The following ELAPOR2 variants were observed in gnomAD, a reference collection of about 807,000 sequenced individuals.
ELAPOR2 encodes endosome-lysosome associated apoptosis and autophagy regulator family member 2, also known as endosome/lysosome-associated apoptosis and autophagy regulator family member 2.
Under a neutral mutation model 120.7 loss-of-function variants are expected in ELAPOR2, and 89 were observed. The ratio of observed to expected loss-of-function variants is 0.74; its 90% CI spans 0.62 to 0.88. The LOEUF is 0.88. ELAPOR2 is among the 40% of genes least tolerant of loss of function. ELAPOR2 has a pLI of 0.00. For missense variants in ELAPOR2, 1,134 were observed against 1,251.6 expected (o/e 0.91, Z 1.42); for synonymous variants, 444 against 444.9 (o/e 1.00, Z 0.03).
At chr7:87,051,961 A>G (rs748397286) in intron 1 of ELAPOR2, among the ~76,000 whole-genome samples, 2 of 152,240 alleles carry the variant, frequency 1.3e-5, no homozygotes, top group African/African-American at 2.4e-5. Context: ...TTCCTGACAT[A>G]TAAAAGATAA....
chr7:86,944,206 AG>A lies in ELAPOR2; in HGVS notation c.654+692del, dbSNP rs1349373407. The stretch of plus-strand genomic sequence containing the variant: ...AAGTCAATCTGAGAACATTTGCTCA[AG>A]CATTTGTGTCATGATAAATATTTGC... On this transcript the variant is annotated intron_variant, in intron 4 of 21. Coordinates refer to ENST00000450689, the MANE Select transcript of ELAPOR2 (RefSeq NM_001142749.3). Among the ~76,000 whole-genome samples the A allele has an allele frequency of 9.9e-5, 15 of 152,284 alleles. No homozygotes were observed. In the East Asian group the frequency reaches 2.9e-3, roughly 29 times the overall value.
At chr7:87,049,660 A>C (rs1388239288) in intron 1 of ELAPOR2, among the ~76,000 whole-genome samples, 1 of 152,222 alleles carries the variant, frequency 6.6e-6, no homozygotes, top group African/African-American at 2.4e-5. Context: ...GGACAAAGCC[A>C]AGTAAATACC....
rs769054101 is a variant in ELAPOR2, at chr7:86,897,642, T to A, written c.2559-10A>T. 2.5e-6 allele frequency: 4 copies of A among 1,612,476 alleles called. No individual in the cohort carries two copies. The African/African-American group carries it at 4.0e-5, about 16-fold the overall frequency. ...ACCTGCTGGGCACTTGCTAAAATCA[T>A]AAACAAAACCAAAAACACATAAGTG... On this transcript the variant is annotated splice_polypyrimidine_tract_variant and intron_variant, in intron 18 of 21. Transcript: ENST00000450689.
chr7:86,889,032 T>G (rs1003294694), intron 21 of ELAPOR2, among the ~76,000 whole-genome samples: 2 of 152,040 alleles, frequency 1.3e-5, no homozygotes, highest in Non-Finnish European at 2.9e-5. Flanking sequence ...TTCAACTGTT[T>G]AGGAAAATAC....
At chr7:86,936,560 AC>A (rs1790567413) in intron 8 of ELAPOR2, among the ~76,000 whole-genome samples, 1 of 152,132 alleles carries the variant, frequency 6.6e-6, no homozygotes, top group Admixed American at 6.6e-5. Context: ...TCTTAAAAAA[AC>A]ACTGAGTTTA....
Position 86,918,437 on chromosome 7 carries a change from C to T in ELAPOR2, c.1593+5G>A. 6.3e-7 allele frequency: 1 copy of T among 1,596,832 alleles called. No individual in the cohort carries two copies. Among genetic ancestry groups the T allele is most frequent in the Non-Finnish European group, 8.6e-7 (1 of 1,166,114 alleles). On this transcript the variant is annotated splice_donor_5th_base_variant and intron_variant, in intron 12 of 21. Transcript: ENST00000450689. ...TCTGCCTTTGAAAGCCGCCCGTCCA[C>T]TTACCACCATGAAGTACAAAACACA...
intron 21 of ELAPOR2, among the ~76,000 whole-genome samples, chr7:86,889,377 C>A (rs887658317): frequency 6.6e-6 from 1 of 151,518 alleles, no homozygotes; most frequent in South Asian, 2.1e-4. Context: ...CAGTACCCCC[C>A]ACCCTATTCC....
At chr7:86,914,964 C>A (rs1043321085) in intron 12 of ELAPOR2, 104 bp from the exon 13 acceptor site, 24 of 921,674 alleles carry the variant, frequency 2.6e-5, no homozygotes, top group South Asian at 2.0e-5. Flanking sequence ...AAACCCATTA[C>A]AGTTTATGAC....
intron 2 of ELAPOR2, among the ~76,000 whole-genome samples, chr7:86,955,148 T>TTCC (rs1791420336): frequency 6.6e-6 from 1 of 152,144 alleles, no homozygotes; most frequent in Non-Finnish European, 1.5e-5. Context: ...TCAGATCTTC[T>TTCC]TCCTCCTTCA....
chr7:86,902,554 T>C (rs1788775731), intron 18 of ELAPOR2, among the ~76,000 whole-genome samples: 1 of 152,162 alleles, frequency 6.6e-6, no homozygotes, highest in Admixed American at 6.5e-5. Context: ...CAACACACCA[T>C]CTCTTACTAC....
intron 1 of ELAPOR2, among the ~76,000 whole-genome samples, chr7:86,983,693 A>G (rs1291347847): frequency 2.6e-5 from 4 of 152,226 alleles, no homozygotes; most frequent in African/African-American, 7.2e-5. Flanking sequence ...GAAGCACTAA[A>G]CATGGGAAGG....
At chr7:86,960,222 G>A (rs559223597) in intron 2 of ELAPOR2, among the ~76,000 whole-genome samples, 6 of 152,194 alleles carry the variant, frequency 3.9e-5, no homozygotes, top group Non-Finnish European at 7.4e-5. Flanking sequence ...GGTCCATTTG[G>A]TCTATAAAGC....
intron 2 of ELAPOR2, among the ~76,000 whole-genome samples, chr7:86,948,266 C>A (rs902438200): frequency 7.2e-5 from 11 of 152,210 alleles, no homozygotes; most frequent in Non-Finnish European, 1.2e-4. Context: ...AAAAACCACT[C>A]ACTTCATAAC....
chr7:86,904,003 T>C (rs1393512224), intron 18 of ELAPOR2, among the ~76,000 whole-genome samples: 1 of 152,094 alleles, frequency 6.6e-6, no homozygotes, highest in Non-Finnish European at 1.5e-5. Context: ...CATGAGGAAT[T>C]GGATGAAAAA....
At chr7:86,983,060 T>C (rs1410389514) in intron 1 of ELAPOR2, among the ~76,000 whole-genome samples, 4 of 152,108 alleles carry the variant, frequency 2.6e-5, no homozygotes, top group Non-Finnish European at 5.9e-5. Flanking sequence ...CATTAGCCAA[T>C]TCGATCAAGT....
intron 8 of ELAPOR2, among the ~76,000 whole-genome samples, chr7:86,927,342 C>T (rs1020565123): frequency 3.3e-5 from 5 of 151,922 alleles, no homozygotes; most frequent in Non-Finnish European, 7.4e-5. Context: ...TTGCACATAG[C>T]AATCACAAAA....
chr7:86,963,469 C>T (rs1158072879), intron 2 of ELAPOR2, among the ~76,000 whole-genome samples: 4 of 152,118 alleles, frequency 2.6e-5, no homozygotes, highest in Admixed American at 1.3e-4. Context: ...GGATACAATA[C>T]TCTACAATGA....
chr7:87,052,093 T>A (rs1474078812), intron 1 of ELAPOR2, among the ~76,000 whole-genome samples: 1 of 152,202 alleles, frequency 6.6e-6, no homozygotes, highest in Non-Finnish European at 1.5e-5. Context: ...GGGTGACAGT[T>A]TAGGGAATTT....
chr7:86,985,070 A>T (rs1176945146), intron 1 of ELAPOR2, among the ~76,000 whole-genome samples: 1 of 152,184 alleles, frequency 6.6e-6, no homozygotes, highest in African/African-American at 2.4e-5. Flanking sequence ...TACACAAAAA[A>T]ACTAGAAAAT....
Sources: gnomAD v4.1 joint callset for allele counts (sites outside exome capture counted in the v4.1 genomes callset) on GRCh38, gnomAD v4.1.1 for gene constraint, MANE v1.5 for transcripts, NCBI Gene and HGNC (gene_info 2026-07-23, HGNC 2026-07-21) for gene names.